Variants in DOCK10 observed in about 807,000 individuals in gnomAD.
The protein encoded by DOCK10 is dedicator of cytokinesis protein 10.
A neutral mutation model predicts 280.1 loss-of-function variants in DOCK10; 145 were observed. The observed-to-expected ratio is 0.52, with a 90% confidence interval of 0.45 to 0.59. The LOEUF (loss-of-function observed/expected upper bound fraction) is 0.59, where lower values mean the gene tolerates loss of function less well. Ranked by LOEUF, DOCK10 falls within the 20% of genes least tolerant of loss-of-function variation. The pLI, the probability that DOCK10 is intolerant of heterozygous loss-of-function variation, is 0.00. For missense variants in DOCK10, 2,368 were observed against 2,651.7 expected, an observed-to-expected ratio of 0.89 and a Z score of 2.35; for synonymous variants, 915 against 942.2, an observed-to-expected ratio of 0.97 and a Z score of 0.53.
At chr2:225,034,748 CAAG>C (rs1449651441) in intron 1 of DOCK10, among the ~76,000 whole-genome samples, 4 of 152,040 alleles carry the variant, frequency 2.6e-5, no homozygotes, top group Non-Finnish European at 4.4e-5. Context: ...GGAAGACAAA[CAAG>C]AAATGAAATC....
At chr2:224,942,265 C>T (rs1008250052) in intron 1 of DOCK10, among the ~76,000 whole-genome samples, 1 of 152,254 alleles carries the variant, frequency 6.6e-6, no homozygotes, top group Non-Finnish European at 1.5e-5. Flanking sequence ...TGTTGCAGCT[C>T]ACACCCAGGT....
At chr2:225,017,606 A>T (rs1689648607) in intron 1 of DOCK10, among the ~76,000 whole-genome samples, 1 of 151,814 alleles carries the variant, frequency 6.6e-6, no homozygotes, top group South Asian at 2.1e-4. Flanking sequence ...AGATTTTTTA[A>T]CTGAATCCCT....
In DOCK10 at chr2:224,874,318, G is replaced by A. The variant is rs1275010513; in HGVS notation, c.1049C>T (p.Thr350Ile). 5 of 1,612,924 alleles carry A rather than the reference G, an allele frequency of 3.1e-6. No homozygotes were observed. Among genetic ancestry groups the A allele is most frequent in the Non-Finnish European group, 4.2e-6 (5 of 1,179,530 alleles). ...YLTETEDTVKTTRNMERLNLF... is the reference protein window; with the variant it reads ...YLTETEDTVKITRNMERLNLF... ...ATTTAGCCTCTCCATGTTTCGAGTT[G>A]TTTTTACAGTATCTTCTGTTTCTGT... The change falls in exon 10 of 56, where the codon ACA becomes ATA. Residue 350 changes from threonine (T) to isoleucine (I), a missense_variant. Thr to Ile is a moderately conservative substitution (Grantham distance 89). Transcript: ENST00000258390.
chr2:224,817,091 G>A lies in DOCK10; in HGVS notation c.3268-378C>T, dbSNP rs1353871624. On this transcript the variant is annotated intron_variant, in intron 29 of 55. Coordinates refer to ENST00000258390, the MANE Select transcript of DOCK10 (RefSeq NM_014689.3). ...CTCTCAAAAACTACACTCAGATAATGAAACAGACTTCTACAATGAGCTCCT... is the reference window on the plus strand; with the variant it reads ...CTCTCAAAAACTACACTCAGATAATAAAACAGACTTCTACAATGAGCTCCT... Among the ~76,000 whole-genome samples the A allele has an allele frequency of 2.0e-5, 3 of 152,178 alleles. No individual in the cohort carries two copies. In the East Asian group the frequency reaches 5.8e-4, roughly 29 times the overall value.
chr2:224,849,797 G>T (rs540241994), intron 18 of DOCK10, among the ~76,000 whole-genome samples, 198 bp from the exon 19 acceptor site: 1 of 152,294 alleles, frequency 6.6e-6, no homozygotes, highest in South Asian at 2.1e-4. Context: ...GAAAGCTGCT[G>T]AAGATAATTT....
chr2:225,009,259 G>A (rs978427529), intron 1 of DOCK10, among the ~76,000 whole-genome samples: 2 of 152,124 alleles, frequency 1.3e-5, no homozygotes, highest in Non-Finnish European at 2.9e-5. Flanking sequence ...TTTTCGCTAA[G>A]ATGTAATATT....
At position 224,863,704 on chromosome 2, in the gene DOCK10, A is replaced by G. The variant is rs184002233; in HGVS notation, c.1602+849T>C. Among the ~76,000 whole-genome samples the G allele has an allele frequency of 6.2e-3, 940 of 151,984 alleles. 10 individuals carry two copies. Among genetic ancestry groups the G allele is most frequent in the African/African-American group, 0.02 (812 of 41,468 alleles). ...CTTGACCTCGTGATCGCCTGCCTCAACCTCCCAAAGTGCTGGGATTACAGG... is the reference window on the plus strand; with the variant it reads ...CTTGACCTCGTGATCGCCTGCCTCAGCCTCCCAAAGTGCTGGGATTACAGG... On this transcript the variant is annotated intron_variant, in intron 13 of 55. Transcript: ENST00000258390.
At chr2:224,900,102 G>T (rs1219074904) in intron 3 of DOCK10, among the ~76,000 whole-genome samples, 1 of 152,112 alleles carries the variant, frequency 6.6e-6, no homozygotes, top group Non-Finnish European at 1.5e-5. Context: ...CTTACTCACT[G>T]CCCTTTCTTG....
At chr2:224,783,273 AT>A (rs10713926) in intron 50 of DOCK10, among the ~76,000 whole-genome samples, 28,040 of 143,924 alleles carry the variant, frequency 0.19, 3,065 homozygotes, top group African/African-American at 0.32. Flanking sequence ...TCAGACTGGA[AT>A]TTTTTTTTTT....
chr2:224,887,655 T>C (rs1475174293), intron 4 of DOCK10, among the ~76,000 whole-genome samples: 3 of 152,214 alleles, frequency 2.0e-5, no homozygotes, highest in South Asian at 2.1e-4. Context: ...GATGTTTTTC[T>C]TTTTTAAAGT....
At chr2:224,880,768 C>G (rs531417537) in intron 7 of DOCK10, among the ~76,000 whole-genome samples, 25 of 152,264 alleles carry the variant, frequency 1.6e-4, no homozygotes, top group African/African-American at 5.8e-4. Flanking sequence ...CAATGGTGGA[C>G]TGAATATCAA....
At chr2:224,945,702 G>T (rs1277890684) in intron 1 of DOCK10, among the ~76,000 whole-genome samples, 1 of 151,560 alleles carries the variant, frequency 6.6e-6, no homozygotes, top group Non-Finnish European at 1.5e-5. Flanking sequence ...TAATATTTTT[G>T]AAAAGCCATC....
At chr2:224,771,241 G>A (rs575671617) in intron 53 of DOCK10, among the ~76,000 whole-genome samples, 10 of 152,080 alleles carry the variant, frequency 6.6e-5, no homozygotes, top group African/African-American at 1.4e-4. Flanking sequence ...AACCACCCAC[G>A]GAATCTGCTG....
chr2:224,957,289 C>CCCA (rs10687430), intron 1 of DOCK10, among the ~76,000 whole-genome samples: 2 of 146,268 alleles, frequency 1.4e-5, no homozygotes, highest in Admixed American at 6.8e-5. Context: ...CTTTCCGCCC[C>CCCA]CCCCCGGCTT....
At chr2:224,895,369 A>T (rs1471941532) in intron 4 of DOCK10, among the ~76,000 whole-genome samples, 5 of 152,180 alleles carry the variant, frequency 3.3e-5, no homozygotes, top group African/African-American at 1.2e-4. Context: ...GTTAATACAA[A>T]CTTAACTTTT....
At chr2:224,903,680 G>A (rs1700437999) in intron 3 of DOCK10, among the ~76,000 whole-genome samples, 1 of 152,124 alleles carries the variant, frequency 6.6e-6, no homozygotes, top group Non-Finnish European at 1.5e-5. Context: ...TCATTTTTCA[G>A]TGCAATTGAA....
At chr2:224,854,487 G>GT (rs1696971485) in intron 16 of DOCK10, among the ~76,000 whole-genome samples, 1 of 152,142 alleles carries the variant, frequency 6.6e-6, no homozygotes, top group African/African-American at 2.4e-5. Flanking sequence ...AGTGTTCAGA[G>GT]TAACCCTCTG....
intron 1 of DOCK10, among the ~76,000 whole-genome samples, chr2:224,946,266 A>G (rs1263694461): frequency 1.3e-5 from 2 of 152,228 alleles, no homozygotes; most frequent in Non-Finnish European, 2.9e-5. Flanking sequence ...ATAAGGCAGA[A>G]ATATTTTTAA....
At chr2:224,901,123 A>C (rs1005387326) in intron 3 of DOCK10, among the ~76,000 whole-genome samples, 1 of 152,222 alleles carries the variant, frequency 6.6e-6, no homozygotes, top group Non-Finnish European at 1.5e-5. Context: ...ATAGAAAATT[A>C]TTCTCTATTC....
Sources: allele counts gnomAD v4.1 joint callset (sites outside exome capture counted in the v4.1 genomes callset), GRCh38; gene constraint gnomAD v4.1.1; transcripts MANE v1.5; gene names NCBI Gene and HGNC (gene_info 2026-07-23, HGNC 2026-07-21).